The following PHKA1 variants were observed in gnomAD, a reference collection of about 807,000 sequenced individuals.
PHKA1 encodes the protein phosphorylase kinase regulatory subunit alpha 1.
In PHKA1, 60 loss-of-function variants were observed where a neutral mutation model predicts 110.2. The ratio of observed to expected loss-of-function variants is 0.54; its 90% CI spans 0.44 to 0.68. The LOEUF (loss-of-function observed/expected upper bound fraction) is 0.68, where lower values mean the gene tolerates loss of function less well. PHKA1 is among the 30% of genes least tolerant of loss of function. PHKA1 has a pLI of 0.00. For synonymous variants in PHKA1, 316 were observed against 333.6 expected, an observed-to-expected ratio of 0.95 and a Z score of 0.58; for missense variants, 801 against 942.5, an observed-to-expected ratio of 0.85 and a Z score of 1.97.
chrX:72,600,832 G>T (rs1485283363), intron 28 of PHKA1, among the ~76,000 whole-genome samples: 5 of 111,451 alleles, frequency 4.5e-5, no homozygotes, highest in African/African-American at 1.6e-4. Context: ...ACAACATAGT[G>T]AGACCCCAGT....
chrX:72,610,993 T>A (rs782216878), intron 22 of PHKA1, 35 bp downstream of exon 22: 1 of 1,130,289 alleles, frequency 8.8e-7, no homozygotes, highest in South Asian at 1.8e-5. Flanking sequence ...AGCACGCTTA[T>A]TTAGATTTGG....
chrX:72,675,497 TTAG>T (rs1372711063), intron 6 of PHKA1, among the ~76,000 whole-genome samples: 6 of 111,669 alleles, frequency 5.4e-5, no homozygotes, highest in Non-Finnish European at 1.1e-4. Flanking sequence ...TCTTTGCATA[TTAG>T]TAGGACAGAC....
intron 18 of PHKA1, among the ~76,000 whole-genome samples, chrX:72,621,367 C>T (rs1203907659): frequency 1.8e-5 from 2 of 111,482 alleles, no homozygotes; most frequent in Non-Finnish European, 3.8e-5. Flanking sequence ...TATTTGTTGG[C>T]TGCTATGTAC....
intron 8 of PHKA1, among the ~76,000 whole-genome samples, chrX:72,659,517 A>G (rs2053536057): frequency 2.0e-5 from 2 of 100,673 alleles, no homozygotes; most frequent in Admixed American, 2.0e-4. Context: ...CCTATATTAA[A>G]CACACACAGA....
At chrX:72,655,229 C>T (rs2053478353) in intron 10 of PHKA1, among the ~76,000 whole-genome samples, 2 of 111,858 alleles carry the variant, frequency 1.8e-5, no homozygotes, top group Non-Finnish European at 3.8e-5. Context: ...GGCAACACAG[C>T]GAGGCCCGTC....
chrX:72,636,471 C>T (rs891567279), intron 14 of PHKA1, 85 bp from the exon 15 acceptor site: 1 of 548,056 alleles, frequency 1.8e-6, no homozygotes, highest in Non-Finnish European at 3.3e-6. Context: ...TATATACACA[C>T]ACATACACAA....
At chrX:72,696,006 A>T (rs2054104891) in intron 3 of PHKA1, 130 bp from the exon 4 acceptor site, 1 of 573,317 alleles carries the variant, frequency 1.7e-6, no homozygotes, top group Admixed American at 2.5e-5. Flanking sequence ...GTGAATATTT[A>T]AAATACTCGT....
At chrX:72,643,918 T>TA (rs1422471273) in intron 14 of PHKA1, among the ~76,000 whole-genome samples, 2 of 111,669 alleles carry the variant, frequency 1.8e-5, no homozygotes, top group African/African-American at 3.2e-5. Context: ...GTGAATTAAT[T>TA]AAAAAAATAA....
intron 6 of PHKA1, among the ~76,000 whole-genome samples, chrX:72,673,977 C>A (rs1556310428): frequency 2.5e-5 from 2 of 80,354 alleles, no homozygotes; most frequent in African/African-American, 9.4e-5. Flanking sequence ...CACAACAGGC[C>A]CCGGTGTGTG....
chrX:72,632,271 G>A (rs2053175858), intron 16 of PHKA1, among the ~76,000 whole-genome samples: 1 of 111,444 alleles, frequency 9.0e-6, no homozygotes, highest in African/African-American at 3.3e-5. Flanking sequence ...TTCCCATCAT[G>A]AATATATAAT....
At chrX:72,652,352 T>C (rs781865275) in intron 12 of PHKA1, among the ~76,000 whole-genome samples, 192 bp downstream of exon 12, 47 of 111,463 alleles carry the variant, frequency 4.2e-4, no homozygotes, top group Non-Finnish European at 7.9e-4. Flanking sequence ...AGGGACATGG[T>C]TGCCAGGCAG....
At chrX:72,624,730 C>T (rs2053030208) in intron 17 of PHKA1, among the ~76,000 whole-genome samples, 2 of 111,225 alleles carry the variant, frequency 1.8e-5, no homozygotes, top group South Asian at 7.7e-4. Flanking sequence ...CTCTCCTAAC[C>T]ATTGAAGGGG....
chrX:72,688,528 T>C (rs1421778874), intron 4 of PHKA1, among the ~76,000 whole-genome samples: 1 of 112,254 alleles, frequency 8.9e-6, no homozygotes, highest in Non-Finnish European at 1.9e-5. Flanking sequence ...CTACCATTTA[T>C]GTCCTTTTGC....
intron 9 of PHKA1, among the ~76,000 whole-genome samples, chrX:72,656,843 T>A (rs984788051): frequency 8.9e-6 from 1 of 111,807 alleles, no homozygotes; most frequent in African/African-American, 3.3e-5. Flanking sequence ...GGCTATTGGA[T>A]TGGTCATTTA....
rs1460990530 is a variant in PHKA1 at position 72,656,158 on chromosome X, A to G, written c.1003T>C (p.Phe335Leu). The G allele has an allele frequency of 3.3e-6, 4 of 1,210,213 alleles. No homozygotes were observed. In the South Asian group the frequency reaches 7.0e-5, roughly 21 times the overall value. Residue 335 changes from phenylalanine to leucine, a missense_variant, in exon 10 of 32, where the codon TTT (phenylalanine) becomes CTT (leucine). Phe to Leu is a conservative substitution (Grantham distance 22). This residue lies in a region of PHKA1 where 299 missense variants were observed against 423.3 expected (regional missense o/e 0.71). Coordinates refer to ENST00000373542, the MANE Select transcript of PHKA1 (RefSeq NM_002637.4). ...ECEWPLFWTY[F>L]ILDGVFSGNA... is the part of the protein sequence containing the mutation. ...CCACTGAAGACCCCATCAAGAATAA[A>G]GTATGTCCAGAACAATGGCCATTCA...
At chrX:72,684,180 T>C (rs2053942283) in intron 5 of PHKA1, among the ~76,000 whole-genome samples, 1 of 112,200 alleles carries the variant, frequency 8.9e-6, no homozygotes, top group African/African-American at 3.2e-5. Context: ...ACAACCTAGC[T>C]ATCTTGCTCT....
At chrX:72,599,720 A>G (rs1603253117) in intron 28 of PHKA1, 1 of 369,298 alleles carries the variant, frequency 2.7e-6, no homozygotes, top group Admixed American at 4.7e-5. Context: ...TTCTTGATTA[A>G]TTTTTTTTTT....
At chrX:72,591,069 CCCAAAGTATTATAAAT>C (rs2052512880) in intron 29 of PHKA1, among the ~76,000 whole-genome samples, 1 of 111,846 alleles carries the variant, frequency 8.9e-6, no homozygotes, top group Admixed American at 9.4e-5. Context: ...TAGGTATATA[CCCAAAGTATTATAAAT>C]CATGCTACTA....
chrX:72,711,301 G>C (rs1481153489), intron 2 of PHKA1, among the ~76,000 whole-genome samples: 1 of 112,134 alleles, frequency 8.9e-6, no homozygotes, highest in East Asian at 2.8e-4. Context: ...TTAATTTCTA[G>C]TAAAAATAGC....
Sources: gnomAD v4.1 joint callset for allele counts (sites outside exome capture counted in the v4.1 genomes callset) on GRCh38, gnomAD v4.1.1 for gene constraint, gnomAD v4.1.1 regional missense constraint, MANE v1.5 for transcripts, NCBI Gene and HGNC (gene_info 2026-07-23, HGNC 2026-07-21) for gene names.